ASTN2: variants seen among roughly 807,000 people sequenced by gnomAD.
ASTN2 encodes astrotactin-2.
A neutral mutation model predicts 139.8 loss-of-function variants in ASTN2; 54 were observed. The observed-to-expected ratio is 0.39, with a 90% CI of 0.31 to 0.48. The LOEUF is 0.48. ASTN2 is among the 20% of genes least tolerant of loss of function. The pLI is 0.95. For synonymous variants in ASTN2, 756 were observed against 719.5 expected, an observed-to-expected ratio of 1.05 and a Z score of -0.81; for missense variants, 1,565 against 1,725.1, an observed-to-expected ratio of 0.91 and a Z score of 1.64.
chr9:116,523,944 C>T (rs972806702), intron 19 of ASTN2, among the ~76,000 whole-genome samples: 3 of 152,178 alleles, frequency 2.0e-5, no homozygotes, highest in African/African-American at 7.2e-5. Context: ...GTTACAGATG[C>T]ATGGACTATA....
chr9:117,309,714 C>G (rs1278465713), intron 1 of ASTN2, among the ~76,000 whole-genome samples: 1 of 152,046 alleles, frequency 6.6e-6, no homozygotes, highest in African/African-American at 2.4e-5. Flanking sequence ...TATACCAAAT[C>G]TAGGACCCTT....
At chr9:116,537,884 C>G (rs771486941) in intron 19 of ASTN2, among the ~76,000 whole-genome samples, 1 of 152,188 alleles carries the variant, frequency 6.6e-6, no homozygotes, top group Non-Finnish European at 1.5e-5. Context: ...TTTGTAAATA[C>G]AAGGCACTCT....
At chr9:116,746,497 T>C (rs1564245293) in intron 13 of ASTN2, among the ~76,000 whole-genome samples, 3 of 152,148 alleles carry the variant, frequency 2.0e-5, no homozygotes, top group Admixed American at 6.5e-5. Flanking sequence ...ATCCAGAGAC[T>C]CTCTTCATCT....
chr9:116,762,017 G>A (rs1465650206), intron 13 of ASTN2, among the ~76,000 whole-genome samples: 1 of 152,132 alleles, frequency 6.6e-6, no homozygotes, highest in African/African-American at 2.4e-5. Flanking sequence ...CTGGTCTGTG[G>A]CTTTGCATAG....
At chr9:117,084,596 GATTA>G (rs1441092578) in intron 5 of ASTN2, among the ~76,000 whole-genome samples, 2 of 152,232 alleles carry the variant, frequency 1.3e-5, no homozygotes, top group Admixed American at 1.3e-4. Context: ...TTGCTAGGAA[GATTA>G]ATGAATGTGC....
In ASTN2 at chr9:117,230,185, G is replaced by GAAAAAAAA. The variant is rs10636499; in HGVS notation, c.631-15451_631-15444dup. On this transcript the variant is annotated intron_variant, in intron 2 of 22. Transcript: ENST00000313400. The stretch of plus-strand genomic sequence containing the variant: ...CTGGGTGTGTGAATTTCTTCAGGCT[G>GAAAAAAAA]AAAAAAAAAAAATCACCCAAACTGA... Among the ~76,000 whole-genome samples, 12 of 139,256 alleles carry GAAAAAAAA rather than the reference G, an allele frequency of 8.6e-5. No individual in the cohort carries two copies. In the East Asian group the frequency reaches 1.5e-3, roughly 17 times the overall value. The allele number at this position is 139,256 out of a possible 152,430, so 91.4% of individuals were successfully genotyped here.
At chr9:117,392,679 G>C (rs1830573917) in intron 1 of ASTN2, among the ~76,000 whole-genome samples, 1 of 152,212 alleles carries the variant, frequency 6.6e-6, no homozygotes, top group South Asian at 2.1e-4. Context: ...TTACAACCAA[G>C]AGTTGAAATT....
At chr9:116,666,242 G>C (rs1458719469) in intron 16 of ASTN2, among the ~76,000 whole-genome samples, 1 of 152,162 alleles carries the variant, frequency 6.6e-6, no homozygotes, top group African/African-American at 2.4e-5. Context: ...CCACTGATAT[G>C]ATTCTCTAAG....
In ASTN2 at chr9:117,313,766, T is replaced by TTTCAATTTTCCTTG. The variant is rs1828049520; in HGVS notation, c.443-22254_443-22253insCAAGGAAAATTGAA. On this transcript the variant is annotated intron_variant, in intron 1 of 22. Transcript: ENST00000313400. ...AGAGTTTTCATGTGAATAGATGGTTTAGGACACAGTCCTGCATGTGCAAGG... is the reference window on the plus strand; with the variant it reads ...AGAGTTTTCATGTGAATAGATGGTTTTTCAATTTTCCTTGAGGACACAGTCCTGCATGTGCAAGG... 3.9e-5 allele frequency among the ~76,000 whole-genome samples: 6 copies of TTTCAATTTTCCTTG among 152,268 alleles called. No individual in the cohort carries two copies. In the South Asian group the frequency reaches 8.3e-4, roughly 21 times the overall value.
At chr9:117,209,692 T>C (rs1277794392) in intron 3 of ASTN2, among the ~76,000 whole-genome samples, 3 of 152,120 alleles carry the variant, frequency 2.0e-5, no homozygotes, top group African/African-American at 7.2e-5. Context: ...AACTTCACTA[T>C]AGACCAAATG....
chr9:117,269,426 C>T (rs920440826), intron 2 of ASTN2, among the ~76,000 whole-genome samples: 7 of 152,128 alleles, frequency 4.6e-5, no homozygotes, highest in African/African-American at 9.7e-5. Flanking sequence ...TCTATTTCTG[C>T]GCTTGAAGGG....
In ASTN2 at chr9:116,458,361, C is replaced by A. The variant is rs1043010393; in HGVS notation, c.3498-15808G>T. ...TGTATATTTAAAATAACTAAAAGAG[C>A]ATAATTGAAAAGTTCATAACACAAA... is the stretch of plus-strand genomic sequence containing the variant. On this transcript the variant is annotated intron_variant, in intron 20 of 22. Transcript: ENST00000313400. 2.0e-5 allele frequency among the ~76,000 whole-genome samples: 3 copies of A among 151,598 alleles called. No individual in the cohort carries two copies. The East Asian group carries it at 5.8e-4, about 29-fold the overall frequency.
intron 6 of ASTN2, among the ~76,000 whole-genome samples, chr9:117,008,951 C>A (rs926468242): frequency 6.6e-6 from 1 of 152,038 alleles, no homozygotes; most frequent in East Asian, 1.9e-4. Context: ...GTGAGATTTC[C>A]AAAGAAATCC....
intron 1 of ASTN2, among the ~76,000 whole-genome samples, chr9:117,312,939 A>C (rs894289331): frequency 2.0e-5 from 3 of 152,204 alleles, no homozygotes; most frequent in Non-Finnish European, 4.4e-5. Flanking sequence ...TGTCTCAGTG[A>C]TATCTCACTC....
At chr9:116,871,092 A>C (rs1302347378) in intron 10 of ASTN2, among the ~76,000 whole-genome samples, 1 of 152,084 alleles carries the variant, frequency 6.6e-6, no homozygotes, top group Non-Finnish European at 1.5e-5. Flanking sequence ...CCCTGTCTCT[A>C]CTAAAAATAC....
At chr9:117,143,090 G>C (rs10513286) in intron 3 of ASTN2, among the ~76,000 whole-genome samples, 75,319 of 152,070 alleles carry the variant, frequency 0.5, 19,333 homozygotes, top group East Asian at 0.68. Context: ...CAGACCTAGA[G>C]GGCTTGTTCT....
chr9:116,785,112 G>T (rs951841913), intron 13 of ASTN2, among the ~76,000 whole-genome samples: 2 of 152,094 alleles, frequency 1.3e-5, no homozygotes, highest in African/African-American at 4.8e-5. Flanking sequence ...GAGGGGAAAA[G>T]GTTGACAGCT....
intron 19 of ASTN2, among the ~76,000 whole-genome samples, chr9:116,530,251 G>A (rs1193397865): frequency 6.7e-6 from 1 of 149,842 alleles, no homozygotes; most frequent in Non-Finnish European, 1.5e-5. Context: ...GCTAGGTACT[G>A]AAAGACAAAT....
At chr9:116,671,457 C>A (rs1588169948) in intron 16 of ASTN2, among the ~76,000 whole-genome samples, 1 of 151,308 alleles carries the variant, frequency 6.6e-6, no homozygotes, top group East Asian at 1.9e-4. Flanking sequence ...AGTAGGCCAA[C>A]AGATAATAAG....
Sources: allele counts gnomAD v4.1 joint callset (sites outside exome capture counted in the v4.1 genomes callset), GRCh38; gene constraint gnomAD v4.1.1; transcripts MANE v1.5; gene names NCBI Gene and HGNC (gene_info 2026-07-23, HGNC 2026-07-21).